Variants in SPMIP4 observed in about 807,000 individuals in gnomAD.
SPMIP4 encodes the protein sperm-associated microtubule inner protein 4.
At chr7:25,135,960 A>C in the SPMIP4 span, 103 of 1,571,794 alleles carry the variant, frequency 6.6e-5, no homozygotes, top group Non-Finnish European at 8.5e-5. Context: ...TTTGAAGGGA[A>C]GAATGAGTAT....
chr7:25,148,928 T>C, the SPMIP4 span, among the ~76,000 whole-genome samples: 1 of 152,294 alleles, frequency 6.6e-6, no homozygotes, highest in African/African-American at 2.4e-5. Flanking sequence ...GAAGAAGGTT[T>C]ATGGACAGAA....
chr7:25,134,131 G>T, the SPMIP4 span, among the ~76,000 whole-genome samples: 1 of 151,588 alleles, frequency 6.6e-6, no homozygotes, highest in Admixed American at 6.6e-5. Context: ...GTGGTGGCAG[G>T]TGCCTGTAAT....
At chr7:25,167,511 C>T in the SPMIP4 span, among the ~76,000 whole-genome samples, 2 of 152,194 alleles carry the variant, frequency 1.3e-5, no homozygotes, top group Non-Finnish European at 2.9e-5. Flanking sequence ...CTGTGACTGT[C>T]AGGCCTTTTT....
the SPMIP4 span, among the ~76,000 whole-genome samples, chr7:25,150,363 C>G: frequency 6.6e-6 from 1 of 152,118 alleles, no homozygotes; most frequent in Admixed American, 6.5e-5. Flanking sequence ...GAAAGAGATC[C>G]AGTAAAACAG....
At chr7:25,162,178 T>C in the SPMIP4 span, among the ~76,000 whole-genome samples, 1 of 150,026 alleles carries the variant, frequency 6.7e-6, no homozygotes, top group Non-Finnish European at 1.5e-5. Flanking sequence ...GGCTGAGGCA[T>C]GAGAATTGCT....
the SPMIP4 span, among the ~76,000 whole-genome samples, chr7:25,156,461 C>A: frequency 3.3e-5 from 5 of 152,150 alleles, no homozygotes; most frequent in Non-Finnish European, 7.3e-5. Context: ...GGGTTCTTCA[C>A]TTTGTCGTTT....
chr7:25,157,470 G>C, the SPMIP4 span, among the ~76,000 whole-genome samples: 1 of 152,122 alleles, frequency 6.6e-6, no homozygotes, highest in Non-Finnish European at 1.5e-5. Flanking sequence ...GGGCAGTCAG[G>C]GTTAACATCA....
chr7:25,127,554 T>C, the SPMIP4 span, among the ~76,000 whole-genome samples: 1 of 152,216 alleles, frequency 6.6e-6, no homozygotes, highest in Admixed American at 6.5e-5. Flanking sequence ...TTTTAATCTC[T>C]GTTAAATTTA....
chr7:25,160,585 C>A, the SPMIP4 span, among the ~76,000 whole-genome samples: 1 of 152,206 alleles, frequency 6.6e-6, no homozygotes, highest in Non-Finnish European at 1.5e-5. Flanking sequence ...CAGGCATGAG[C>A]CACTGTGCCC....
the SPMIP4 span, among the ~76,000 whole-genome samples, chr7:25,151,408 A>T: frequency 6.6e-6 from 1 of 152,032 alleles, no homozygotes; most frequent in African/African-American, 2.4e-5. Context: ...TTTCTAGTAG[A>T]GACAGGGTTT....
the SPMIP4 span, chr7:25,179,113 T>G: frequency 3.4e-6 from 5 of 1,491,928 alleles, no homozygotes; most frequent in Non-Finnish European, 4.5e-6. Flanking sequence ...CCTCACATAA[T>G]AAAATACACG....
the SPMIP4 span, among the ~76,000 whole-genome samples, chr7:25,139,729 A>C: frequency 7.9e-5 from 12 of 152,236 alleles, no homozygotes; most frequent in African/African-American, 2.9e-4. Flanking sequence ...TTGTCATAAA[A>C]AAGGACAGGA....
chr7:25,135,289 A>T, the SPMIP4 span: 1 of 975,108 alleles, frequency 1.0e-6, no homozygotes. Flanking sequence ...TTATCTGCAT[A>T]AAAGAAACAG....
chr7:25,154,995 C>G, the SPMIP4 span: 5 of 1,600,000 alleles, frequency 3.1e-6, no homozygotes, highest in Non-Finnish European at 4.3e-6. Flanking sequence ...AGTTCTGATT[C>G]CAGGTCACAT....
At chr7:25,134,587 A>T in the SPMIP4 span, 1 of 760,482 alleles carries the variant, frequency 1.3e-6, no homozygotes, top group Non-Finnish European at 1.6e-6. Context: ...AGTGAACACC[A>T]TATTTAGAAT....
the SPMIP4 span, among the ~76,000 whole-genome samples, chr7:25,127,926 C>T: frequency 2.3e-3 from 352 of 152,290 alleles, 1 homozygote; most frequent in Middle Eastern, 0.027. Flanking sequence ...AGGGGCCATC[C>T]GAAGCTCAGT....
the SPMIP4 span, among the ~76,000 whole-genome samples, chr7:25,169,545 T>A: frequency 5.3e-5 from 8 of 152,314 alleles, no homozygotes; most frequent in African/African-American, 1.7e-4. Context: ...TTTTGTAGTA[T>A]GTGTCCATAC....
At chr7:25,151,568 T>C in the SPMIP4 span, 4 of 1,407,242 alleles carry the variant, frequency 2.8e-6, no homozygotes, top group African/African-American at 5.7e-5. Context: ...TTACTTTCCT[T>C]TAAACACACA....
At chr7:25,142,768 G>A in the SPMIP4 span, 2 of 1,584,620 alleles carry the variant, frequency 1.3e-6, no homozygotes, top group Non-Finnish European at 1.7e-6. Flanking sequence ...GGTTTTAGGA[G>A]GTTTTGGGTA....
Sources: gnomAD v4.1 joint callset for allele counts (sites outside exome capture counted in the v4.1 genomes callset) on GRCh38, gnomAD v4.1.1 for gene constraint, MANE v1.5 for transcripts, NCBI Gene and HGNC (gene_info 2026-07-23, HGNC 2026-07-21) for gene names.